TFDP2: variants seen among roughly 807,000 people sequenced by gnomAD.
The protein encoded by TFDP2 is transcription factor Dp-2.
TFDP2 carries 17 observed loss-of-function variants against 59.3 expected under a neutral mutation model. That is an observed-to-expected ratio of 0.29 (90% CI 0.20 to 0.43). The LOEUF (loss-of-function observed/expected upper bound fraction) is 0.43. Among genes scored for constraint, TFDP2 ranks in the 20% least tolerant of loss-of-function variants. The pLI, the probability that TFDP2 is intolerant of heterozygous loss-of-function variation, is 1.00. For missense variants in TFDP2, 391 were observed against 528.8 expected, an observed-to-expected ratio of 0.74 and a Z score of 2.56; for synonymous variants, 180 against 194.7, an observed-to-expected ratio of 0.92 and a Z score of 0.63.
intron 4 of TFDP2, among the ~76,000 whole-genome samples, chr3:141,997,642 G>C (rs533291122): frequency 6.6e-6 from 1 of 151,874 alleles, no homozygotes; most frequent in Non-Finnish European, 1.5e-5. Context: ...TTGAGGCCAG[G>C]AGTTCAAGAT....
rs1935351100 is a variant in TFDP2, at chr3:141,947,249, T to C, written c.*5264A>G. The C allele has an allele frequency of 6.6e-6, 1 of 152,194 alleles. No homozygotes were observed. Among genetic ancestry groups the C allele is most frequent in the Admixed American group, 6.5e-5 (1 of 15,272 alleles). The allele number at this position is 152,194 out of a possible 1,614,324, so 9.4% of individuals were successfully genotyped here. On this transcript the variant is annotated 3_prime_UTR_variant, in exon 13 of 13. Transcript: ENST00000489671. Reference sequence around the variant, plus strand: ...TTCATCAGTGCTTGGGGACCATTGCTTTGGGTGCATGAATATGGGAACCCA... The same window carrying C: ...TTCATCAGTGCTTGGGGACCATTGCCTTGGGTGCATGAATATGGGAACCCA...
At chr3:142,010,595 CAAGACTCTGTCTCA>C (rs1944586144) in intron 3 of TFDP2, among the ~76,000 whole-genome samples, 1 of 103,720 alleles carries the variant, frequency 9.6e-6, no homozygotes, top group Admixed American at 1.4e-4. Context: ...GGTGACAGAG[CAAGACTCTGTCTCA>C]AAAAAAAAAA....
At chr3:142,074,880 G>T (rs2060388089) in intron 3 of TFDP2, among the ~76,000 whole-genome samples, 1 of 151,990 alleles carries the variant, frequency 6.6e-6, no homozygotes, top group Non-Finnish European at 1.5e-5. Flanking sequence ...AACAATTAAT[G>T]AATGAATGAA....
chr3:141,968,113 T>C (rs971941820), intron 9 of TFDP2, among the ~76,000 whole-genome samples: 7 of 149,318 alleles, frequency 4.7e-5, no homozygotes, highest in African/African-American at 1.5e-4. Flanking sequence ...GGGAAGAAGA[T>C]GGCAGCACAG....
intron 2 of TFDP2, among the ~76,000 whole-genome samples, chr3:142,097,653 C>G (rs1009045392): frequency 5.9e-5 from 9 of 152,130 alleles, no homozygotes; most frequent in African/African-American, 2.2e-4. Flanking sequence ...CCACTGCACT[C>G]CAGCCGGGGC....
intron 3 of TFDP2, among the ~76,000 whole-genome samples, chr3:142,048,068 C>A (rs1947435005): frequency 6.6e-6 from 1 of 151,972 alleles, no homozygotes; most frequent in Non-Finnish European, 1.5e-5. Flanking sequence ...TAGACACTTT[C>A]AAACTGAAAA....
chr3:142,014,010 T>G (rs1024124774), intron 3 of TFDP2, among the ~76,000 whole-genome samples: 19 of 152,206 alleles, frequency 1.2e-4, no homozygotes, highest in Non-Finnish European at 1.9e-4. Context: ...AGAACCAAAC[T>G]GGTAACTTAC....
intron 3 of TFDP2, among the ~76,000 whole-genome samples, chr3:142,042,853 C>G (rs1449741987): frequency 6.7e-6 from 1 of 149,208 alleles, no homozygotes; most frequent in Non-Finnish European, 1.5e-5. Flanking sequence ...AATTCTCCTG[C>G]CGCAGCCTCC....
chr3:141,949,691 T>C lies in TFDP2; in HGVS notation c.*2822A>G, dbSNP rs1280145653. 2 of 152,278 alleles carry C rather than the reference T, an allele frequency of 1.3e-5. No homozygotes were observed. The highest frequency in any genetic ancestry group is 2.4e-5 in the African/African-American group (1 of 41,426). 9.4% of individuals were successfully genotyped at this position (152,278 alleles called of 1,614,324 possible). A position where few individuals can be genotyped will look rare whatever the true frequency, so the allele number is the denominator to read the frequency against. On this transcript the variant is annotated 3_prime_UTR_variant, in exon 13 of 13. Transcript: ENST00000489671. The stretch of plus-strand genomic sequence containing the variant: ...CACACCCTCAAGGGGAAAAGGCCTC[T>C]TGAACTCCCCACAATCAGTGTGTGC...
chr3:142,076,313 G>A (rs2060456549), intron 3 of TFDP2, among the ~76,000 whole-genome samples: 1 of 152,112 alleles, frequency 6.6e-6, no homozygotes, highest in African/African-American at 2.4e-5. Context: ...CATACCAGAA[G>A]CAGAACCAGA....
intron 3 of TFDP2, among the ~76,000 whole-genome samples, chr3:142,091,826 G>A (rs564815179): frequency 3.3e-5 from 5 of 152,124 alleles, no homozygotes; most frequent in South Asian, 2.1e-4. Context: ...AATAGGGTTC[G>A]CCCTCCTATG....
intron 9 of TFDP2, among the ~76,000 whole-genome samples, chr3:141,967,995 G>C (rs373261731): frequency 1.3e-5 from 2 of 151,826 alleles, no homozygotes. Flanking sequence ...ATGTTCCATG[G>C]TTTTGAAGAA....
At chr3:142,056,046 C>A (rs1380635018) in intron 3 of TFDP2, among the ~76,000 whole-genome samples, 2 of 143,118 alleles carry the variant, frequency 1.4e-5, no homozygotes, top group African/African-American at 5.3e-5. Flanking sequence ...CTTCGCCTCC[C>A]AGGTTCAAGC....
At chr3:142,112,045 G>A (rs933628566) in intron 1 of TFDP2, among the ~76,000 whole-genome samples, 6 of 151,552 alleles carry the variant, frequency 4.0e-5, no homozygotes, top group South Asian at 2.1e-4. Context: ...CAGCCTGGGC[G>A]ACAGAGCAAG....
chr3:142,063,193 CAT>C (rs1363127683), intron 3 of TFDP2, among the ~76,000 whole-genome samples: 4 of 152,186 alleles, frequency 2.6e-5, no homozygotes, highest in East Asian at 3.8e-4. Context: ...AACAGTCAAT[CAT>C]AATCTCACAT....
At chr3:141,987,390 T>C (rs1201246565) in intron 6 of TFDP2, among the ~76,000 whole-genome samples, 3 of 151,618 alleles carry the variant, frequency 2.0e-5, no homozygotes, top group Non-Finnish European at 4.4e-5. Context: ...CAGGCAATTC[T>C]CCTGCCTCAG....
intron 9 of TFDP2, among the ~76,000 whole-genome samples, chr3:141,966,737 G>C (rs550805311): frequency 6.6e-6 from 1 of 151,542 alleles, no homozygotes; most frequent in African/African-American, 2.4e-5. Context: ...ATAAAAGTAG[G>C]ATATTGGGAT....
intron 9 of TFDP2, among the ~76,000 whole-genome samples, chr3:141,965,877 A>C (rs1455212190): frequency 1.3e-5 from 2 of 151,970 alleles, no homozygotes; most frequent in Non-Finnish European, 2.9e-5. Flanking sequence ...ATAATGAGGA[A>C]AAATTATGAT....
chr3:142,034,341 C>T (rs1400454631), intron 3 of TFDP2, among the ~76,000 whole-genome samples: 2 of 151,934 alleles, frequency 1.3e-5, no homozygotes, highest in Non-Finnish European at 2.9e-5. Flanking sequence ...TCAGGTGATC[C>T]GCCCACCTCG....
Sources: allele counts gnomAD v4.1 joint callset (sites outside exome capture counted in the v4.1 genomes callset), GRCh38; gene constraint gnomAD v4.1.1; transcripts MANE v1.5; gene names NCBI Gene and HGNC (gene_info 2026-07-23, HGNC 2026-07-21).